The following AGAP1 variants were observed in gnomAD, a reference collection of about 807,000 sequenced individuals.
AGAP1 encodes the protein ArfGAP with GTPase domain, ankyrin repeat and PH domain 1.
A neutral mutation model predicts 105.3 loss-of-function variants in AGAP1; 29 were observed. The ratio of observed to expected loss-of-function variants is 0.28; its 90% confidence interval spans 0.21 to 0.38. AGAP1 has a LOEUF of 0.38. Among genes scored for constraint, AGAP1 ranks in the 10% least tolerant of loss-of-function variants. The pLI is 1.00. For synonymous variants in AGAP1, 509 were observed against 485.9 expected (o/e 1.05, Z -0.63); for missense variants, 998 against 1,165.1 (o/e 0.86, Z 2.09).
At chr2:235,514,145 C>G (rs1236373787) in intron 1 of AGAP1, among the ~76,000 whole-genome samples, 1 of 125,226 alleles carries the variant, frequency 8.0e-6, no homozygotes, top group African/African-American at 3.2e-5. Context: ...TGTGCCAGTG[C>G]ATGCGCGTGC....
chr2:236,063,595 C>G (rs904142850), intron 16 of AGAP1, among the ~76,000 whole-genome samples: 15 of 152,178 alleles, frequency 9.9e-5, no homozygotes, highest in Non-Finnish European at 1.8e-4. Flanking sequence ...CTGGTGATTT[C>G]GACAAGATTA....
intron 1 of AGAP1, among the ~76,000 whole-genome samples, chr2:235,658,431 T>C (rs962781424): frequency 2.0e-5 from 3 of 152,250 alleles, no homozygotes; most frequent in East Asian, 1.9e-4. Flanking sequence ...GAAGAATTTA[T>C]GGCTTTATAA....
rs796736967 is a variant in AGAP1, at chr2:235,573,082, T to C, written c.163+78233T>C. On this transcript the variant is annotated intron_variant, in intron 1 of 17. Transcript: ENST00000304032. ...CTTCTTTCTTCTTTCTTCTTTCTTC[T>C]TTCTTCTTTCTTCTTCTTCTTCCTT... Among the ~76,000 whole-genome samples, 910 of 117,534 alleles carry C rather than the reference T, an allele frequency of 7.7e-3. 165 individuals are homozygous for C. The East Asian group carries it at 0.079, about 10-fold the overall frequency. 77.1% of individuals were successfully genotyped at this position (117,534 alleles called of 152,430 possible). A position where few individuals can be genotyped will look rare whatever the true frequency, so the allele number is the denominator to read the frequency against.
chr2:235,963,571 C>T lies in AGAP1; in HGVS notation c.1484-4891C>T, dbSNP rs2054273221. ...ATTTGACAAGATTTTTCCTTGGTTT[C>T]CTCATAGGCAAGTTGAAAGATATGT... On this transcript the variant is annotated intron_variant, in intron 12 of 17. Coordinates refer to ENST00000304032, the MANE Select transcript of AGAP1 (RefSeq NM_001037131.3). This position sits in a 1 kb window ranked among gnomAD's most constrained non-coding sequence, Gnocchi z 5.1. Among the ~76,000 whole-genome samples the T allele has an allele frequency of 6.6e-6, 1 of 152,114 alleles. No individual in the cohort carries two copies. Among genetic ancestry groups the T allele is most frequent in the South Asian group, 2.1e-4 (1 of 4,826 alleles).
rs545587722 is a variant in AGAP1 at position 236,123,149 on chromosome 2, C to T, written c.2371-770C>T. Among the ~76,000 whole-genome samples, 3 of 152,202 alleles carry T rather than the reference C, an allele frequency of 2.0e-5. No individual in the cohort carries two copies. Among genetic ancestry groups the T allele is most frequent in the Non-Finnish European group, 4.4e-5 (3 of 68,042 alleles). ...AGTGCAGTGGTGTGATGTCGGCCCA[C>T]GGCAGCCTCTGCCTCCTAGGCTCAA... On this transcript the variant is annotated intron_variant, in intron 17 of 17. Transcript: ENST00000304032. This position sits in a 1 kb window ranked among gnomAD's most constrained non-coding sequence, Gnocchi z 4.6.
At chr2:235,862,859 G>A (rs1022598625) in intron 9 of AGAP1, among the ~76,000 whole-genome samples, 7 of 152,124 alleles carry the variant, frequency 4.6e-5, no homozygotes, top group African/African-American at 1.4e-4. Context: ...CTCACCGTGC[G>A]TGCATTGAGA....
At chr2:235,604,527 G>C (rs984145250) in intron 1 of AGAP1, among the ~76,000 whole-genome samples, 3 of 142,826 alleles carry the variant, frequency 2.1e-5, no homozygotes, top group Non-Finnish European at 4.6e-5. Flanking sequence ...CTTTATGCCA[G>C]TTCCTTTAGG....
In AGAP1 at chr2:236,040,030, G is replaced by C. The variant is rs1184766624; in HGVS notation, c.1801-721G>C. On this transcript the variant is annotated intron_variant, in intron 14 of 17. Transcript: ENST00000304032. The surrounding 1 kb of genome is among the most constrained non-coding windows in gnomAD (Gnocchi z 5.6). ...GGAGGCTAAGGCAGGAGGATCACTT[G>C]AGCCCACGAGTTCAAGGCTGCAGTG... 1.3e-5 allele frequency among the ~76,000 whole-genome samples: 2 copies of C among 151,972 alleles called. No individual in the cohort carries two copies. The highest frequency in any genetic ancestry group is 2.9e-5 in the Non-Finnish European group (2 of 68,008).
rs1227730272 is a variant in AGAP1 at position 235,983,538 on chromosome 2, CT to C, written c.1645+14923del. ...TTTCTTATTCTCTTTTTTCTTTGAA[CT>C]TTTTTTTATTGTGGCAAAATACAGT... On this transcript the variant is annotated intron_variant, in intron 13 of 17. Coordinates refer to ENST00000304032, the MANE Select transcript of AGAP1 (RefSeq NM_001037131.3). This position sits in a 1 kb window ranked among gnomAD's most constrained non-coding sequence, Gnocchi z 4.5. Among the ~76,000 whole-genome samples, 11 of 152,046 alleles carry C rather than the reference CT, an allele frequency of 7.2e-5. No individual in the cohort carries two copies. In the East Asian group the frequency reaches 1.5e-3, roughly 21 times the overall value.
At chr2:235,774,193 T>A in intron 6 of AGAP1, 2 of 383,220 alleles carry the variant, frequency 5.2e-6, no homozygotes, top group South Asian at 4.1e-5. Flanking sequence ...TAGACATTTC[T>A]TCTGTAAAGT....
In AGAP1 at chr2:235,660,522, C is replaced by A. The variant is rs957529114; in HGVS notation, c.164-48657C>A. On this transcript the variant is annotated intron_variant, in intron 1 of 17. Coordinates refer to ENST00000304032, the MANE Select transcript of AGAP1 (RefSeq NM_001037131.3). The surrounding 1 kb of genome is among the most constrained non-coding windows in gnomAD (Gnocchi z 5.3). The stretch of plus-strand genomic sequence containing the variant: ...GGTGACAGATGCCAAGGAAGAGTGC[C>A]CAGGTGTGCACAGGTGTGCCCAGGT... Among the ~76,000 whole-genome samples, 1 of 151,946 alleles carries A rather than the reference C, an allele frequency of 6.6e-6. No individual in the cohort carries two copies. The highest frequency in any genetic ancestry group is 2.4e-5 in the African/African-American group (1 of 41,354).
At chr2:235,669,994 G>A (rs1365193102) in intron 1 of AGAP1, 1 of 284,858 alleles carries the variant, frequency 3.5e-6, no homozygotes, top group Admixed American at 5.3e-5. Flanking sequence ...GCGGTCAGCG[G>A]GGGGCGTGGG....
At chr2:236,033,511 T>C (rs773340417) in intron 13 of AGAP1, among the ~76,000 whole-genome samples, 1 of 152,278 alleles carries the variant, frequency 6.6e-6, no homozygotes, top group Non-Finnish European at 1.5e-5. Flanking sequence ...AGATAGCAGC[T>C]ACTGCGTTGG....
chr2:235,735,720 G>A (rs1174979931), intron 3 of AGAP1, among the ~76,000 whole-genome samples: 1 of 152,052 alleles, frequency 6.6e-6, no homozygotes, highest in Non-Finnish European at 1.5e-5. Context: ...TGGGATTTAG[G>A]GAGAAATTAA....
intron 13 of AGAP1, among the ~76,000 whole-genome samples, chr2:235,972,669 C>T (rs2054699161): frequency 6.6e-6 from 1 of 152,158 alleles, no homozygotes; most frequent in South Asian, 2.1e-4. Flanking sequence ...CAAATCCAAC[C>T]AGAGGCCAAA....
At chr2:235,684,845 A>T (rs1949294057) in intron 1 of AGAP1, among the ~76,000 whole-genome samples, 1 of 152,188 alleles carries the variant, frequency 6.6e-6, no homozygotes, top group South Asian at 2.1e-4. Flanking sequence ...AGGAGAGACT[A>T]TCTGGCATTA....
chr2:235,856,134 G>A (rs1482399342), intron 9 of AGAP1, among the ~76,000 whole-genome samples: 2 of 152,054 alleles, frequency 1.3e-5, no homozygotes, highest in African/African-American at 2.4e-5. Flanking sequence ...GGCTGGTCCT[G>A]AACTCCTGAC....
intron 1 of AGAP1, among the ~76,000 whole-genome samples, chr2:235,544,485 G>A (rs1038109916): frequency 5.3e-5 from 8 of 152,210 alleles, no homozygotes; most frequent in Non-Finnish European, 8.8e-5. Flanking sequence ...CCCGTGGTCC[G>A]TGTGGCTGGA....
chr2:235,892,166 A>G (rs1209487352), intron 10 of AGAP1, among the ~76,000 whole-genome samples: 3 of 151,920 alleles, frequency 2.0e-5, no homozygotes, highest in Admixed American at 2.0e-4. Flanking sequence ...AAAAAAAAAA[A>G]GTCCTTCTTA....
Sources: allele counts gnomAD v4.1 joint callset (sites outside exome capture counted in the v4.1 genomes callset), GRCh38; gene constraint gnomAD v4.1.1; non-coding constraint Gnocchi (gnomAD v3.1); transcripts MANE v1.5; gene names NCBI Gene and HGNC (gene_info 2026-07-23, HGNC 2026-07-21).